Variants in EXOC4 observed in about 807,000 individuals in gnomAD.
The protein encoded by EXOC4 is SEC8-like 1.
Under a neutral mutation model 107.2 loss-of-function variants are expected in EXOC4, and 71 were observed. That is an observed-to-expected ratio of 0.66 (90% confidence interval 0.55 to 0.81). The LOEUF is 0.81. Ranked by LOEUF, EXOC4 falls within the 30% of genes least tolerant of loss-of-function variation. The probability of loss-of-function intolerance (pLI) is 0.00; values close to 1 mark genes in which losing one functional copy is unlikely to be tolerated. For synonymous variants in EXOC4, 456 were observed against 441.2 expected, an observed-to-expected ratio of 1.03 and a Z score of -0.42; for missense variants, 1,108 against 1,189.6, an observed-to-expected ratio of 0.93 and a Z score of 1.01.
In EXOC4 at chr7:133,270,011, G is replaced by A. The variant is rs149025478; in HGVS notation, c.87-4971G>A. Among the ~76,000 whole-genome samples the A allele has an allele frequency of 3.8e-4, 58 of 152,266 alleles. No individual in the cohort carries two copies. In the East Asian group the frequency reaches 0.01, roughly 27 times the overall value. On this transcript the variant is annotated intron_variant, in intron 1 of 17. Coordinates refer to ENST00000253861, the MANE Select transcript of EXOC4 (RefSeq NM_021807.4). ...GAATTTTAACTCCCACAATTCCCGC[G>A]TGTCGTGGGAGCAACTCAGTAGGAG...
chr7:133,631,731 A>G (rs2151016372), intron 10 of EXOC4, among the ~76,000 whole-genome samples: 1 of 152,226 alleles, frequency 6.6e-6, no homozygotes, highest in East Asian at 1.9e-4. Context: ...AAATTATAAC[A>G]TACAGAATTA....
chr7:133,822,348 CATTTA>C (rs1171033824), intron 11 of EXOC4, among the ~76,000 whole-genome samples: 2 of 152,138 alleles, frequency 1.3e-5, no homozygotes, highest in Non-Finnish European at 2.9e-5. Flanking sequence ...TTGGAGATGC[CATTTA>C]ATTTATTTCT....
At chr7:133,573,444 C>G (rs2150961101) in intron 9 of EXOC4, among the ~76,000 whole-genome samples, 1 of 152,254 alleles carries the variant, frequency 6.6e-6, no homozygotes, top group African/African-American at 2.4e-5. Context: ...TCATTGCCTT[C>G]TCTGATAAGT....
Position 133,944,001 on chromosome 7 carries a change from ATATTTT to A in EXOC4, c.2206+5935_2206+5940del, listed in dbSNP as rs1393439784. ...TTTATGATAAAAATTTTGTTGTATA[ATATTTT>A]TAGATTTAGTGTAAAGTTGCAAAGA... On this transcript the variant is annotated intron_variant, in intron 14 of 17. Coordinates refer to ENST00000253861, the MANE Select transcript of EXOC4 (RefSeq NM_021807.4). 2.0e-5 allele frequency among the ~76,000 whole-genome samples: 3 copies of A among 152,112 alleles called. No individual in the cohort carries two copies. The East Asian group carries it at 5.8e-4, about 29-fold the overall frequency.
intron 10 of EXOC4, among the ~76,000 whole-genome samples, chr7:133,691,018 A>C (rs1453302568): frequency 6.6e-6 from 1 of 152,164 alleles, no homozygotes; most frequent in African/African-American, 2.4e-5. Context: ...GCTTTTAAGC[A>C]GATAAGGGAG....
chr7:133,811,597 TTAA>T, intron 10 of EXOC4, among the ~76,000 whole-genome samples: 1 of 152,242 alleles, frequency 6.6e-6, no homozygotes, highest in Admixed American at 6.5e-5. Flanking sequence ...AGCTGTTTGG[TTAA>T]TAAAACTGTT....
chr7:133,582,686 T>G (rs935960715), intron 9 of EXOC4, among the ~76,000 whole-genome samples: 4 of 152,038 alleles, frequency 2.6e-5, no homozygotes, highest in African/African-American at 7.2e-5. Context: ...AGTATAAATA[T>G]GAATAATGAT....
intron 7 of EXOC4, among the ~76,000 whole-genome samples, chr7:133,404,761 C>T (rs1797173431): frequency 6.6e-6 from 1 of 151,910 alleles, no homozygotes; most frequent in Non-Finnish European, 1.5e-5. Flanking sequence ...TGCAGTGGCT[C>T]ATGCCTGTAA....
chr7:133,814,118 AATTT>A (rs1188857165), intron 10 of EXOC4, among the ~76,000 whole-genome samples: 3 of 152,132 alleles, frequency 2.0e-5, no homozygotes, highest in African/African-American at 7.2e-5. Context: ...TCAAAAGTCT[AATTT>A]CTACTCCTCT....
chr7:133,896,722 A>C (rs796408188), intron 12 of EXOC4, among the ~76,000 whole-genome samples: 1 of 148,340 alleles, frequency 6.7e-6, no homozygotes, highest in Non-Finnish European at 1.5e-5. Flanking sequence ...CTGGAGTGCA[A>C]TGGCACAATC....
intron 9 of EXOC4, among the ~76,000 whole-genome samples, chr7:133,580,758 C>T (rs1409042194): frequency 6.6e-6 from 1 of 151,962 alleles, no homozygotes; most frequent in Non-Finnish European, 1.5e-5. Flanking sequence ...TTGAGCTTCT[C>T]TTTTAAGGTA....
At chr7:133,845,085 G>A (rs185117084) in intron 11 of EXOC4, among the ~76,000 whole-genome samples, 16 of 152,202 alleles carry the variant, frequency 1.1e-4, no homozygotes, top group African/African-American at 3.6e-4. Context: ...TATTGCTTAT[G>A]TGTTTTCTCT....
chr7:133,369,582 C>T (rs935336274), intron 6 of EXOC4, among the ~76,000 whole-genome samples: 1 of 152,064 alleles, frequency 6.6e-6, no homozygotes, highest in African/African-American at 2.4e-5. Context: ...TAATGATACT[C>T]TTTCCTGGAG....
chr7:134,068,906 T>C (rs539427594), downstream of EXOC4, among the ~76,000 whole-genome samples: 19 of 152,318 alleles, frequency 1.2e-4, no homozygotes, highest in Middle Eastern at 3.4e-3. Flanking sequence ...CAAATAGAAT[T>C]GCCTGTTACA....
intron 9 of EXOC4, among the ~76,000 whole-genome samples, chr7:133,626,610 ATTTAG>A: frequency 6.6e-6 from 1 of 152,184 alleles, no homozygotes; most frequent in East Asian, 1.9e-4. Flanking sequence ...TTTACTTTTT[ATTTAG>A]CTTAACTGCA....
intron 15 of EXOC4, among the ~76,000 whole-genome samples, chr7:134,001,368 C>T (rs983887358): frequency 2.0e-5 from 3 of 152,052 alleles, no homozygotes; most frequent in African/African-American, 4.8e-5. Context: ...TTGCAGAATA[C>T]GTTAATGTCA....
intron 11 of EXOC4, among the ~76,000 whole-genome samples, chr7:133,858,198 A>T (rs1798459613): frequency 6.6e-6 from 1 of 152,176 alleles, no homozygotes; most frequent in Admixed American, 6.6e-5. Context: ...ATCCAGGAAG[A>T]ATGAGTTTCC....
the EXOC4 span, among the ~76,000 whole-genome samples, chr7:134,078,974 G>A: frequency 6.6e-6 from 1 of 152,196 alleles, no homozygotes; most frequent in Non-Finnish European, 1.5e-5. Flanking sequence ...GGAAGTAAGA[G>A]TAGCTACATC....
At chr7:133,853,670 A>G (rs557369345) in intron 11 of EXOC4, among the ~76,000 whole-genome samples, 1 of 152,256 alleles carries the variant, frequency 6.6e-6, no homozygotes, top group South Asian at 2.1e-4. Context: ...ATTCCCAACC[A>G]TTGCCAGTGG....
Sources: gnomAD v4.1 joint callset for allele counts (sites outside exome capture counted in the v4.1 genomes callset) on GRCh38, gnomAD v4.1.1 for gene constraint, MANE v1.5 for transcripts, NCBI Gene and HGNC (gene_info 2026-07-23, HGNC 2026-07-21) for gene names.